The following MAP3K5 variants were observed in gnomAD, a reference collection of about 807,000 sequenced individuals.
MAP3K5 encodes the protein mitogen-activated protein kinase kinase kinase 5.
A neutral mutation model predicts 158.7 loss-of-function variants in MAP3K5; 56 were observed. The observed-to-expected ratio is 0.35, with a 90% CI of 0.28 to 0.44. MAP3K5 has a LOEUF of 0.44. MAP3K5 is among the 20% of genes least tolerant of loss of function. The probability of loss-of-function intolerance (pLI) is 1.00; values close to 1 mark genes in which losing one functional copy is unlikely to be tolerated. For synonymous variants in MAP3K5, 579 were observed against 601.7 expected, an observed-to-expected ratio of 0.96 and a Z score of 0.55; for missense variants, 1,294 against 1,674.8, an observed-to-expected ratio of 0.77 and a Z score of 3.97.
chr6:136,557,276 A>C lies in MAP3K5; in HGVS notation c.*482T>G, dbSNP rs947096190. The stretch of plus-strand genomic sequence containing the variant: ...GCTCTCAGATTCTGCACACTTAAAA[A>C]AACATAAACTTTATACAGTAATTGA... On this transcript the variant is annotated 3_prime_UTR_variant, in exon 30 of 30. Transcript: ENST00000359015. 2 of 154,356 alleles carry C rather than the reference A, an allele frequency of 1.3e-5. No homozygotes were observed. The highest frequency in any genetic ancestry group is 6.5e-5 in the Admixed American group (1 of 15,448). The allele number at this position is 154,356 out of a possible 1,614,324, so 9.6% of individuals were successfully genotyped here.
intron 12 of MAP3K5, among the ~76,000 whole-genome samples, chr6:136,639,909 A>G (rs1777841826): frequency 6.6e-6 from 1 of 152,236 alleles, no homozygotes. Context: ...CTTTCAACAG[A>G]GCAGGGAAAG....
At chr6:136,726,509 C>T (rs1248872844) in intron 1 of MAP3K5, among the ~76,000 whole-genome samples, 3 of 152,100 alleles carry the variant, frequency 2.0e-5, no homozygotes, top group Admixed American at 6.5e-5. Flanking sequence ...ACAAGCATCA[C>T]TTGAACCTTG....
At chr6:136,745,063 T>C (rs1237388899) in intron 1 of MAP3K5, among the ~76,000 whole-genome samples, 2 of 151,822 alleles carry the variant, frequency 1.3e-5, no homozygotes, top group Admixed American at 6.6e-5. Context: ...CCAGTGTAAG[T>C]GGTATTTGGC....
rs977231610 is a variant in MAP3K5 at position 136,601,057 on chromosome 6, GCAAA to G, written c.2858-19_2858-16del. 6.2e-7 allele frequency: 1 copy of G among 1,613,380 alleles called. No homozygotes were observed. Among genetic ancestry groups the G allele is most frequent in the African/African-American group, 1.3e-5 (1 of 74,858 alleles). ...AGCTGAAAGAGCTGTGGAAAGAAAA[GCAAA>G]CAGCCATGAATAAGCACGTGCTGGG... On this transcript the variant is annotated splice_polypyrimidine_tract_variant and intron_variant, in intron 20 of 29. Coordinates refer to ENST00000359015, the MANE Select transcript of MAP3K5 (RefSeq NM_005923.4).
chr6:136,703,459 T>G (rs1244938999), intron 3 of MAP3K5, among the ~76,000 whole-genome samples: 1 of 152,212 alleles, frequency 6.6e-6, no homozygotes, highest in African/African-American at 2.4e-5. Context: ...CCAATTAGAC[T>G]GTCTACACAA....
chr6:136,678,710 T>C (rs555785635), intron 7 of MAP3K5, among the ~76,000 whole-genome samples: 8 of 152,202 alleles, frequency 5.3e-5, no homozygotes, highest in Non-Finnish European at 7.4e-5. Context: ...TAAATATTTG[T>C]TGAAAGGGGG....
At chr6:136,774,202 GA>G (rs1470053164) in intron 1 of MAP3K5, among the ~76,000 whole-genome samples, 1 of 152,072 alleles carries the variant, frequency 6.6e-6, no homozygotes, top group Non-Finnish European at 1.5e-5. Context: ...AATCCTCCAT[GA>G]TTTGTGCTCT....
chr6:136,566,523 A>G (rs558678838), intron 26 of MAP3K5, among the ~76,000 whole-genome samples: 16 of 152,308 alleles, frequency 1.1e-4, no homozygotes, highest in Non-Finnish European at 1.8e-4. Flanking sequence ...TTGCTTGAGA[A>G]GAGGAGGAAT....
At chr6:136,622,502 G>A (rs992597708) in intron 15 of MAP3K5, among the ~76,000 whole-genome samples, 3 of 152,190 alleles carry the variant, frequency 2.0e-5, no homozygotes, top group Non-Finnish European at 4.4e-5. Context: ...CAACTTCCAA[G>A]CTCCTCACAT....
chr6:136,731,575 T>G (rs938569678), intron 1 of MAP3K5, among the ~76,000 whole-genome samples: 3 of 152,192 alleles, frequency 2.0e-5, no homozygotes, highest in African/African-American at 7.2e-5. Flanking sequence ...GATCCTTCAC[T>G]TCATCATATC....
intron 23 of MAP3K5, among the ~76,000 whole-genome samples, chr6:136,591,877 T>C (rs1775401997): frequency 6.6e-6 from 1 of 152,196 alleles, no homozygotes; most frequent in African/African-American, 2.4e-5. Context: ...AACAAATGAA[T>C]GAAGAGTAAA....
intron 26 of MAP3K5, among the ~76,000 whole-genome samples, chr6:136,563,943 AG>A (rs1415236915): frequency 6.6e-6 from 1 of 152,218 alleles, no homozygotes; most frequent in Non-Finnish European, 1.5e-5. Context: ...ATCTGAAGGC[AG>A]CATCGTGCAA....
chr6:136,713,678 A>C (rs1307336260), intron 2 of MAP3K5, among the ~76,000 whole-genome samples: 4 of 152,206 alleles, frequency 2.6e-5, no homozygotes, highest in African/African-American at 9.6e-5. Flanking sequence ...GCTTAGATGA[A>C]AGTTAGATCA....
chr6:136,758,737 T>G (rs977222618), intron 1 of MAP3K5, among the ~76,000 whole-genome samples: 8 of 152,276 alleles, frequency 5.3e-5, no homozygotes, highest in African/African-American at 1.9e-4. Flanking sequence ...GAATCAATTA[T>G]TAGGTATCAG....
intron 1 of MAP3K5, among the ~76,000 whole-genome samples, chr6:136,754,676 T>C (rs959393030): frequency 6.6e-6 from 1 of 152,062 alleles, no homozygotes; most frequent in Non-Finnish European, 1.5e-5. Flanking sequence ...AAAGGGAGAT[T>C]GATCAAAGGT....
chr6:136,664,215 C>T (rs780457684), intron 8 of MAP3K5, among the ~76,000 whole-genome samples: 4 of 152,004 alleles, frequency 2.6e-5, no homozygotes, highest in East Asian at 3.9e-4. Context: ...GTGAACTGCG[C>T]GTGCAAGGGA....
chr6:136,715,526 A>G (rs1781480890), intron 2 of MAP3K5, among the ~76,000 whole-genome samples: 1 of 152,096 alleles, frequency 6.6e-6, no homozygotes, highest in South Asian at 2.1e-4. Flanking sequence ...AACTATTCTG[A>G]ATGTTGTTTA....
chr6:136,640,436 G>C (rs764760054), intron 12 of MAP3K5, among the ~76,000 whole-genome samples: 1 of 152,144 alleles, frequency 6.6e-6, no homozygotes, highest in African/African-American at 2.4e-5. Context: ...GTGCCTGCTG[G>C]TCCTTCCATT....
chr6:136,634,950 T>C (rs1394254921), intron 14 of MAP3K5, among the ~76,000 whole-genome samples: 1 of 151,396 alleles, frequency 6.6e-6, no homozygotes, highest in Non-Finnish European at 1.5e-5. Context: ...AGTGGCACAA[T>C]CTTGGCTCAC....
Sources: allele counts gnomAD v4.1 joint callset (sites outside exome capture counted in the v4.1 genomes callset), GRCh38; gene constraint gnomAD v4.1.1; transcripts MANE v1.5; gene names NCBI Gene and HGNC (gene_info 2026-07-23, HGNC 2026-07-21).